The following PCDH11X variants were observed in gnomAD, a reference collection of about 807,000 sequenced individuals.
PCDH11X encodes protocadherin-11 X-linked.
Under a neutral mutation model 53.3 loss-of-function variants are expected in PCDH11X, and 18 were observed. The observed-to-expected ratio is 0.34, with a 90% CI of 0.23 to 0.50. The LOEUF is 0.50. Ranked by LOEUF, PCDH11X falls within the 20% of genes least tolerant of loss-of-function variation. PCDH11X has a pLI of 0.98. For missense variants in PCDH11X, 570 were observed against 1,032.4 expected (o/e 0.55, Z 6.14); for synonymous variants, 279 against 393.3 (o/e 0.71, Z 3.44).
intron 10 of PCDH11X, among the ~76,000 whole-genome samples, chrX:92,532,658 T>TAAAA (rs56364638): frequency 1.0e-5 from 1 of 100,190 alleles, no homozygotes. Context: ...CTCCTTCATT[T>TAAAA]AAAAAAAAAA....
intron 6 of PCDH11X, chrX:91,882,891 A>G: frequency 8.4e-7 from 1 of 1,185,504 alleles, no homozygotes; most frequent in Non-Finnish European, 1.1e-6. Context: ...ATAACGTGTT[A>G]TTTTTCTTGT....
chrX:92,331,711 T>C (rs1215149380), intron 8 of PCDH11X, among the ~76,000 whole-genome samples: 1 of 110,982 alleles, frequency 9.0e-6, no homozygotes, highest in Non-Finnish European at 1.9e-5. Flanking sequence ...GATTATCAGA[T>C]ATTTTATTCA....
At chrX:92,332,715 C>G (rs907781787) in intron 8 of PCDH11X, among the ~76,000 whole-genome samples, 1 of 101,162 alleles carries the variant, frequency 9.9e-6, no homozygotes, top group Non-Finnish European at 2.0e-5. Flanking sequence ...AATGTAGTTA[C>G]TAAAACAGCA....
intron 10 of PCDH11X, among the ~76,000 whole-genome samples, chrX:92,603,115 TAC>T (rs1307424501): frequency 2.8e-5 from 3 of 106,152 alleles, no homozygotes; most frequent in Non-Finnish European, 5.8e-5. Flanking sequence ...AGTTGAAAAG[TAC>T]AGTTATCAAT....
At chrX:92,486,575 C>A (rs922117591) in intron 10 of PCDH11X, among the ~76,000 whole-genome samples, 11 of 111,770 alleles carry the variant, frequency 9.8e-5, no homozygotes, top group Non-Finnish European at 2.1e-4. Context: ...CTATACACTT[C>A]TATTTTTAAA....
rs750097389 is a variant in PCDH11X, at chrX:91,860,414, A to G, written c.541-16367A>G. Among the ~76,000 whole-genome samples, 52 of 107,164 alleles carry G rather than the reference A, an allele frequency of 4.9e-4. No individual in the cohort carries two copies. The East Asian group carries it at 0.012, about 25-fold the overall frequency. The allele number at this position is 107,164 out of a possible 115,157, so 93.1% of individuals were successfully genotyped here. Reference sequence around the variant, plus strand: ...ATTTAGGATCATCTCATCTGCAAAGACAATTTGACTTCCTCTATTTCTATT... The same window carrying G: ...ATTTAGGATCATCTCATCTGCAAAGGCAATTTGACTTCCTCTATTTCTATT... On this transcript the variant is annotated intron_variant, in intron 5 of 10. Coordinates refer to ENST00000682573, the MANE Select transcript of PCDH11X (RefSeq NM_032968.5).
intron 9 of PCDH11X, among the ~76,000 whole-genome samples, chrX:92,462,309 T>C (rs1368769738): frequency 9.0e-6 from 1 of 110,827 alleles, no homozygotes; most frequent in African/African-American, 3.3e-5. Flanking sequence ...GTACAGATTG[T>C]ACATTATTAC....
chrX:92,091,879 A>G (rs1430521192), intron 6 of PCDH11X, among the ~76,000 whole-genome samples: 2 of 111,362 alleles, frequency 1.8e-5, no homozygotes, highest in Non-Finnish European at 3.8e-5. Context: ...CTCTTAGTTG[A>G]TTATCTCCTG....
chrX:92,005,919 T>C (rs1477306775), intron 6 of PCDH11X, among the ~76,000 whole-genome samples: 1 of 111,923 alleles, frequency 8.9e-6, no homozygotes, highest in Non-Finnish European at 1.9e-5. Context: ...ACTTTAAATA[T>C]GTCATGCCAC....
chrX:92,369,044 T>G (rs2070545881), intron 8 of PCDH11X, among the ~76,000 whole-genome samples: 1 of 80,871 alleles, frequency 1.2e-5, no homozygotes, highest in Non-Finnish European at 2.5e-5. Context: ...GAGAATCCCT[T>G]TTTATCAGGA....
At chrX:92,541,120 A>G (rs950377548) in intron 10 of PCDH11X, among the ~76,000 whole-genome samples, 2 of 109,423 alleles carry the variant, frequency 1.8e-5, no homozygotes, top group Non-Finnish European at 3.8e-5. Flanking sequence ...GGAGTTGTCC[A>G]GGAATTGTAT....
chrX:91,845,055 G>A (rs1937602870), intron 5 of PCDH11X, among the ~76,000 whole-genome samples: 1 of 111,695 alleles, frequency 9.0e-6, no homozygotes. Flanking sequence ...GTTGAACAGA[G>A]TGCTTTATTT....
At chrX:92,149,439 C>T (rs1416676875) in intron 6 of PCDH11X, among the ~76,000 whole-genome samples, 1 of 100,846 alleles carries the variant, frequency 9.9e-6, no homozygotes, top group South Asian at 4.8e-4. Context: ...CACTCTCTCT[C>T]TCTCTCTCTC....
intron 6 of PCDH11X, among the ~76,000 whole-genome samples, chrX:91,933,398 T>A (rs2061410687): frequency 9.2e-6 from 1 of 108,894 alleles, no homozygotes; most frequent in African/African-American, 3.3e-5. Context: ...TTAGAAACTC[T>A]TTTGATGTAT....
At chrX:92,616,501 A>T (rs112093992) in intron 10 of PCDH11X, among the ~76,000 whole-genome samples, 2,100 of 109,879 alleles carry the variant, frequency 0.019, 26 homozygotes, top group Middle Eastern at 0.083. Context: ...TACTTTCACC[A>T]TTGAATTCAG....
intron 10 of PCDH11X, among the ~76,000 whole-genome samples, chrX:92,509,746 G>A (rs760692861): frequency 1.7e-4 from 19 of 111,649 alleles, no homozygotes; most frequent in African/African-American, 6.2e-4. Context: ...ATGCTTCATA[G>A]CAGTTACTTT....
At chrX:92,501,895 A>C (rs927828560) in intron 10 of PCDH11X, among the ~76,000 whole-genome samples, 1 of 111,013 alleles carries the variant, frequency 9.0e-6, no homozygotes, top group Non-Finnish European at 1.9e-5. Flanking sequence ...AAAGAGATAA[A>C]GAGTATTCAA....
chrX:92,407,055 T>C (rs1267669115), intron 9 of PCDH11X, among the ~76,000 whole-genome samples: 1 of 102,528 alleles, frequency 9.8e-6, no homozygotes, highest in Non-Finnish European at 2.0e-5. Flanking sequence ...TTACCCCCAA[T>C]TATTATTTTT....
intron 6 of PCDH11X, among the ~76,000 whole-genome samples, chrX:92,156,247 C>G (rs12392250): frequency 1.8e-5 from 2 of 109,817 alleles, no homozygotes; most frequent in East Asian, 5.7e-4. Context: ...TATCCGCCCC[C>G]CCATTCCTTG....
Sources: allele counts gnomAD v4.1 joint callset (sites outside exome capture counted in the v4.1 genomes callset), GRCh38; gene constraint gnomAD v4.1.1; transcripts MANE v1.5; gene names NCBI Gene and HGNC (gene_info 2026-07-23, HGNC 2026-07-21).